Variants in RALGDS observed in about 807,000 individuals in gnomAD.
The protein encoded by RALGDS is ral guanine nucleotide dissociation stimulator.
In RALGDS, 44 loss-of-function variants were observed where a neutral mutation model predicts 99.8. The observed-to-expected ratio is 0.44, with a 90% confidence interval of 0.35 to 0.57. RALGDS has a LOEUF of 0.57. Among genes scored for constraint, RALGDS ranks in the 20% least tolerant of loss-of-function variants. The pLI, the probability that RALGDS is intolerant of heterozygous loss-of-function variation, is 0.01. For synonymous variants in RALGDS, 529 were observed against 505.0 expected, an observed-to-expected ratio of 1.05 and a Z score of -0.64; for missense variants, 1,022 against 1,203.1, an observed-to-expected ratio of 0.85 and a Z score of 2.23.
chr9:133,108,585 A>C, intron 5 of RALGDS, 88 bp downstream of exon 5: 1 of 1,532,460 alleles, frequency 6.5e-7, no homozygotes, highest in Admixed American at 1.8e-5. Context: ...CCCCTGACCC[A>C]GCACCAGACC....
intron 1 of RALGDS, among the ~76,000 whole-genome samples, chr9:133,117,343 C>T (rs570123596): frequency 1.3e-5 from 2 of 152,318 alleles, no homozygotes; most frequent in Admixed American, 6.5e-5. Flanking sequence ...GAGCTGGCAT[C>T]CCAGCATAGC....
At chr9:133,134,999 T>C (rs573663), upstream of RALGDS, among the ~76,000 whole-genome samples, 90,618 of 151,820 alleles carry the variant, frequency 0.6, 27,074 homozygotes, top group Admixed American at 0.66. Context: ...CTTTATGACT[T>C]TTCATAAAGA....
At chr9:133,141,468 T>C (rs1463354987) in intron 1 of RALGDS, among the ~76,000 whole-genome samples, 2 of 152,056 alleles carry the variant, frequency 1.3e-5, no homozygotes, top group East Asian at 3.9e-4. Context: ...AGGGCAGGGC[T>C]TTCTTACACC....
At chr9:133,129,482 C>T (rs924178341) in intron 1 of RALGDS, 42 of 1,370,252 alleles carry the variant, frequency 3.1e-5, no homozygotes, top group South Asian at 3.5e-5. Flanking sequence ...CAGGAATTCC[C>T]GCTTGTACCA....
upstream of RALGDS, among the ~76,000 whole-genome samples, chr9:133,122,201 A>G (rs1476568313): frequency 6.6e-6 from 1 of 152,224 alleles, no homozygotes; most frequent in Non-Finnish European, 1.5e-5. Flanking sequence ...GACATCCTCA[A>G]CTACTCTTTC....
Position 133,112,166 on chromosome 9 carries a change from G to T in RALGDS, c.184-14C>A, listed in dbSNP as rs367931189. On this transcript the variant is annotated splice_polypyrimidine_tract_variant and intron_variant, in intron 1 of 17. Transcript: ENST00000372050. ...CTGCGTGGAGCTCTGTGAAGACAAC[G>T]CCCGGCAGCCGGGCGCGGGGACGTC... 3 of 1,544,412 alleles carry T rather than the reference G, an allele frequency of 1.9e-6. No homozygotes were observed. The highest frequency in any genetic ancestry group is 2.4e-5 in the South Asian group (2 of 84,212).
intron 1 of RALGDS, among the ~76,000 whole-genome samples, chr9:133,145,359 TC>T (rs767066871): frequency 6.6e-6 from 1 of 151,426 alleles, no homozygotes; most frequent in Non-Finnish European, 1.5e-5. Context: ...CCCTGGCAAC[TC>T]CCCGGATTCT....
chr9:133,112,891 G>A (rs1040421685), intron 1 of RALGDS, among the ~76,000 whole-genome samples: 1 of 152,210 alleles, frequency 6.6e-6, no homozygotes, highest in African/African-American at 2.4e-5. Flanking sequence ...GGACGGGTGT[G>A]AGAGGTGACG....
chr9:133,121,191 G>C lies in RALGDS; in HGVS notation c.-37C>G. The C allele has an allele frequency of 1.1e-6, 1 of 894,454 alleles. No homozygotes were observed. 55.4% of individuals were successfully genotyped at this position (894,454 alleles called of 1,614,324 possible). On this transcript the variant is annotated 5_prime_UTR_variant, in exon 1 of 18. Coordinates refer to ENST00000372050, the MANE Select transcript of RALGDS (RefSeq NM_006266.4). ...AGCGCGGGCGCGGGGCCGGCCCGGCGCGCGGCGGGGGCGGCGGCGCGGCCC... is the reference window on the plus strand; with the variant it reads ...AGCGCGGGCGCGGGGCCGGCCCGGCCCGCGGCGGGGGCGGCGGCGCGGCCC...
chr9:133,119,138 G>T (rs144394740), intron 1 of RALGDS, among the ~76,000 whole-genome samples: 1 of 152,222 alleles, frequency 6.6e-6, no homozygotes, highest in African/African-American at 2.4e-5. Context: ...GGGAAGCACC[G>T]GGTGGAAGCT....
Position 133,108,261 on chromosome 9 carries a change from A to G in RALGDS, c.924T>C (p.Ala308=), listed in dbSNP as rs201724222. Residue 308 remains alanine, a synonymous_variant, in exon 6 of 18, where the codon GCT becomes GCC. Coordinates refer to ENST00000372050, the MANE Select transcript of RALGDS (RefSeq NM_006266.4). The part of the protein sequence containing the change: ...TPAPGSELEV[A]PAPAPELQQA... Reference sequence around the variant, plus strand: ...GCTGGAGCTCCGGAGCTGGTGCTGGAGCTACTTCTAGCTCTGAACCTGGAG... The same window carrying G: ...GCTGGAGCTCCGGAGCTGGTGCTGGGGCTACTTCTAGCTCTGAACCTGGAG... 1.5e-5 allele frequency: 24 copies of G among 1,583,828 alleles called. No homozygotes were observed. In the East Asian group the frequency reaches 5.5e-4, roughly 36 times the overall value.
Position 133,098,675 on chromosome 9 carries a change from G to A in RALGDS, c.2657C>T (p.Thr886Ile). Reference sequence around the variant, plus strand: ...TCCGTGCTTGACCTTCACTCCCTTGGTGAAGGTCCGCTTCTTGAGGACAAA... The same window carrying A: ...TCCGTGCTTGACCTTCACTCCCTTGATGAAGGTCCGCTTCTTGAGGACAAA... Reference protein sequence around the residue: ...YDFVLKKRTFTKGVKVKHGAS... With the variant: ...YDFVLKKRTFIKGVKVKHGAS... The change falls in exon 18 of 18, where the codon ACC becomes ATC. Residue 886 changes from threonine (T) to isoleucine (I), a missense_variant. By Grantham distance (89) the Thr-to-Ile change is moderately conservative. Transcript: ENST00000372050. 6.2e-7 allele frequency: 1 copy of A among 1,614,116 alleles called. No homozygotes were observed. Among genetic ancestry groups the A allele is most frequent in the Non-Finnish European group, 8.5e-7 (1 of 1,179,994 alleles).
At chr9:133,114,992 C>G (rs1439496690) in intron 1 of RALGDS, among the ~76,000 whole-genome samples, 1 of 152,208 alleles carries the variant, frequency 6.6e-6, no homozygotes, top group Non-Finnish European at 1.5e-5. Context: ...CTGGTGGTGT[C>G]TGGTGAGTGT....
intron 17 of RALGDS, chr9:133,099,651 C>CATT (rs1830663524): frequency 7.5e-5 from 1 of 13,286 alleles, no homozygotes; most frequent in African/African-American, 1.1e-4. Flanking sequence ...TATATACATA[C>CATT]ATATACACAT....
At position 133,112,026 on chromosome 9, in the gene RALGDS, C is replaced by G. The variant is rs2119175012; in HGVS notation, c.294+16G>C. ...CCCCAGCTGCGTCTCCCAGTGGAGA[C>G]CCCGAGCGCACTCACCCCGAGCCAG... On this transcript the variant is annotated intron_variant, in intron 2 of 17. Transcript: ENST00000372050. 1 of 1,550,608 alleles carries G rather than the reference C, an allele frequency of 6.4e-7. No individual in the cohort carries two copies. Among genetic ancestry groups the G allele is most frequent in the Admixed American group, 1.9e-5 (1 of 53,308 alleles).
At chr9:133,121,794 T>C (rs1831957758), upstream of RALGDS, among the ~76,000 whole-genome samples, 1 of 152,228 alleles carries the variant, frequency 6.6e-6, no homozygotes, top group South Asian at 2.1e-4. Flanking sequence ...CACTCAGCAC[T>C]GAGCACCTGC....
intron 1 of RALGDS, among the ~76,000 whole-genome samples, chr9:133,136,522 T>G (rs2119261693): frequency 6.6e-6 from 1 of 152,248 alleles, no homozygotes; most frequent in Non-Finnish European, 1.5e-5. Context: ...ACGCCTGTAA[T>G]CCCAGCACTT....
intron 4 of RALGDS, among the ~76,000 whole-genome samples, 154 bp downstream of exon 4, chr9:133,109,472 G>A (rs1351026363): frequency 6.6e-6 from 1 of 152,182 alleles, no homozygotes; most frequent in Non-Finnish European, 1.5e-5. Context: ...TCCTGCAGGC[G>A]AAGCCCCCAG....
exon 1 of RALGDS, chr9:133,149,186 G>GCGCCA (rs1564258159): frequency 6.5e-6 from 1 of 153,312 alleles, no homozygotes; most frequent in East Asian, 1.9e-4. Flanking sequence ...GCGCCGCGCC[G>GCGCCA]CGCTCCGGCC....
Sources: allele counts gnomAD v4.1 joint callset (sites outside exome capture counted in the v4.1 genomes callset), GRCh38; gene constraint gnomAD v4.1.1; transcripts MANE v1.5; gene names NCBI Gene and HGNC (gene_info 2026-07-23, HGNC 2026-07-21).